Variants in GCC2 observed in about 807,000 individuals in gnomAD.
GCC2 encodes GRIP and coiled-coil domain-containing protein 2.
A neutral mutation model predicts 210.6 loss-of-function variants in GCC2; 120 were observed. The ratio of observed to expected loss-of-function variants is 0.57; its 90% CI spans 0.49 to 0.66. The LOEUF (loss-of-function observed/expected upper bound fraction) is 0.66. Ranked by LOEUF, GCC2 falls within the 30% of genes least tolerant of loss-of-function variation. The pLI, the probability that GCC2 is intolerant of heterozygous loss-of-function variation, is 0.00. For missense variants in GCC2, 1,868 were observed against 1,871.9 expected (o/e 1.00, Z 0.04); for synonymous variants, 703 against 652.7 (o/e 1.08, Z -1.17).
chr2:108,470,006 ATTC>A lies in GCC2; in HGVS notation c.679_681del (p.Ser227del). The A allele has an allele frequency of 6.2e-7, 1 of 1,613,036 alleles. No individual in the cohort carries two copies. Among genetic ancestry groups the A allele is most frequent in the East Asian group, 2.2e-5 (1 of 44,842 alleles). ...CAACTCCAAAATATCATTGAGGCTA[ATTC>A]TCAGCATTACCAAAAAAATATTAAT... On this transcript the variant is annotated inframe_deletion, in exon 6 of 23. Transcript: ENST00000309863.
At chr2:108,475,698 C>CAAAA (rs1681475970) in intron 8 of GCC2, 54 bp from the exon 9 acceptor site, 9 of 1,464,518 alleles carry the variant, frequency 6.1e-6, no homozygotes, top group Non-Finnish European at 8.5e-6. Context: ...AAGAGTTTTT[C>CAAAA]TATCCATTAA....
In GCC2 at chr2:108,473,144, T is replaced by A. The variant is rs774195520; in HGVS notation, c.2860+245T>A. 2.6e-5 allele frequency: 10 copies of A among 385,918 alleles called. 1 individual carries two copies. Among genetic ancestry groups the A allele is most frequent in the East Asian group, 5.1e-5 (1 of 19,626 alleles). The allele number at this position is 385,918 out of a possible 1,614,324, so 23.9% of individuals were successfully genotyped here. A position where few individuals can be genotyped will look rare whatever the true frequency, so the allele number is the denominator to read the frequency against. ...TTATAAATGGCTTCATGATTTATTT[T>A]GGATTTTTCATTCATTTAGCAAATT... On this transcript the variant is annotated intron_variant, in intron 7 of 22. Transcript: ENST00000309863.
At position 108,449,517 on chromosome 2, in the gene GCC2, C is replaced by T. The variant is rs552854129; in HGVS notation, c.7-116C>T. Reference sequence around the variant, plus strand: ...CCGTCCGCCCTCATTCTCTGTCTCACGAGGCTTTCCACCACTTGATTCCAT... The same window carrying T: ...CCGTCCGCCCTCATTCTCTGTCTCATGAGGCTTTCCACCACTTGATTCCAT... On this transcript the variant is annotated intron_variant, in intron 1 of 22. Coordinates refer to ENST00000309863, the MANE Select transcript of GCC2 (RefSeq NM_181453.4). 5.4e-5 allele frequency: 68 copies of T among 1,253,590 alleles called. No individual in the cohort carries two copies. In the Middle Eastern group the frequency reaches 1.1e-3, roughly 21 times the overall value. 77.7% of individuals were successfully genotyped at this position (1,253,590 alleles called of 1,614,324 possible).
At position 108,507,602 on chromosome 2, in the gene GCC2, A is replaced by G. The variant is rs1424940430; in HGVS notation, c.5027A>G (p.Tyr1676Cys). 1.9e-6 allele frequency: 3 copies of G among 1,602,638 alleles called. No individual in the cohort carries two copies. Among genetic ancestry groups the G allele is most frequent in the Non-Finnish European group, 2.6e-6 (3 of 1,171,990 alleles). ...NASRSSGWAS[Y>C]LHSWSGLR ...TCCCGTTCTTCTGGATGGGCATCCT[A>G]TCTTCATAGTTGGTCTGGACTTCGA... is the stretch of plus-strand genomic sequence containing the variant. The change falls in exon 23 of 23, where the codon TAT (tyrosine) becomes TGT (cysteine). Residue 1676 changes from tyrosine (Y) to cysteine (C), a missense_variant. Physicochemically the swap from Tyr to Cys is radical, Grantham distance 194 (BLOSUM62 -2). Around this residue, in one of 3 missense-constraint regions of GCC2, gnomAD observed 20 missense variants for 28.2 expected, o/e 0.71. Transcript: ENST00000309863.
chr2:108,467,193 G>A (rs940365706), intron 4 of GCC2, among the ~76,000 whole-genome samples: 5 of 152,150 alleles, frequency 3.3e-5, no homozygotes, highest in Non-Finnish European at 5.9e-5. Flanking sequence ...GGAATCTGTA[G>A]TTTTATAATT....
chr2:108,481,933 T>C (rs1197713721), intron 10 of GCC2, 117 bp downstream of exon 10: 5 of 673,282 alleles, frequency 7.4e-6, no homozygotes, highest in African/African-American at 3.7e-5. Context: ...CCCCCCCCAC[T>C]TTACCCTCCT....
At chr2:108,459,745 C>CTCTTTTTTTTTTTTTTTTTTTT (rs1680456564) in intron 4 of GCC2, among the ~76,000 whole-genome samples, 1 of 26,764 alleles carries the variant, frequency 3.7e-5, no homozygotes, top group Admixed American at 7.5e-4. Flanking sequence ...CCTTCTTTGT[C>CTCTTTTTTTTTTTTTTTTTTTT]TTTTTTTTTT....
chr2:108,507,668 C>A lies in GCC2; in HGVS notation c.*38C>A. On this transcript the variant is annotated 3_prime_UTR_variant, in exon 23 of 23. Transcript: ENST00000309863. ...AATATTTTTATTAACCAAATAGAAT[C>A]TATTTACAAAAATGGTTCACGTATA... 7.2e-7 allele frequency: 1 copy of A among 1,390,710 alleles called. No individual in the cohort carries two copies. Among genetic ancestry groups the A allele is most frequent in the Non-Finnish European group, 1.0e-6 (1 of 995,510 alleles). The allele number at this position is 1,390,710 out of a possible 1,614,324, so 86.1% of individuals were successfully genotyped here. A position where few individuals can be genotyped will look rare whatever the true frequency, so the allele number is the denominator to read the frequency against.
intron 19 of GCC2, chr2:108,494,818 T>A (rs1404433941): frequency 6.5e-6 from 1 of 152,766 alleles, no homozygotes; most frequent in Non-Finnish European, 1.5e-5. Context: ...TTTTTGTTTG[T>A]TTGTTTTGTT....
chr2:108,459,630 G>C (rs1680446750), intron 4 of GCC2, among the ~76,000 whole-genome samples: 1 of 151,246 alleles, frequency 6.6e-6, no homozygotes, highest in Non-Finnish European at 1.5e-5. Flanking sequence ...TCTAGATCTA[G>C]TAATAACTTG....
At chr2:108,494,072 C>T (rs1248871562) in intron 19 of GCC2, 1 of 538,872 alleles carries the variant, frequency 1.9e-6, no homozygotes, top group Non-Finnish European at 2.4e-6. Context: ...GTCAAAGGGC[C>T]TGGTAAACTT....
intron 4 of GCC2, among the ~76,000 whole-genome samples, chr2:108,464,047 C>G (rs1680739725): frequency 6.6e-6 from 1 of 151,898 alleles, no homozygotes; most frequent in South Asian, 2.1e-4. Flanking sequence ...GGCTGTGTGC[C>G]CTTAGGTTCC....
intron 4 of GCC2, among the ~76,000 whole-genome samples, chr2:108,468,086 T>A (rs1680996475): frequency 1.3e-5 from 2 of 150,930 alleles, no homozygotes; most frequent in Non-Finnish European, 2.9e-5. Flanking sequence ...TTTTGACACA[T>A]AGTCTTGCTC....
intron 2 of GCC2, 134 bp downstream of exon 2, chr2:108,449,823 G>C: frequency 1.5e-6 from 1 of 666,750 alleles, no homozygotes; most frequent in Non-Finnish European, 2.6e-6. Context: ...CTCAATTTTA[G>C]TGTGCGCAAT....
intron 13 of GCC2, among the ~76,000 whole-genome samples, chr2:108,484,911 G>C (rs574331588): frequency 4.0e-5 from 6 of 150,954 alleles, no homozygotes; most frequent in African/African-American, 1.2e-4. Flanking sequence ...GCAAAGACTT[G>C]GAACCAACCC....
chr2:108,486,566 C>T lies in GCC2; in HGVS notation c.3848C>T (p.Thr1283Ile), dbSNP rs954168656. 3 of 1,614,108 alleles carry T rather than the reference C, an allele frequency of 1.9e-6. No homozygotes were observed. The highest frequency in any genetic ancestry group is 2.2e-5 in the East Asian group (1 of 44,876). Residue 1283 changes from threonine to isoleucine, a missense_variant, in exon 16 of 23, where the codon ACC (threonine) becomes ATC (isoleucine). Transcript: ENST00000309863. ...EKHKIHEHLK[T>I]SAEQHQRTLS... ...CACAAAATCCACGAGCACCTGAAAA[C>T]CTCTGCGGAACAGCACCAGCGTACG...
At chr2:108,498,716 T>C (rs905846807) in intron 21 of GCC2, among the ~76,000 whole-genome samples, 9 of 152,200 alleles carry the variant, frequency 5.9e-5, no homozygotes, top group African/African-American at 2.2e-4. Flanking sequence ...TGCCTCATTT[T>C]TCTGATAGTG....
Position 108,470,148 on chromosome 2 carries a change from G to T in GCC2, c.819G>T (p.Leu273Phe). 1 of 1,613,656 alleles carries T rather than the reference G, an allele frequency of 6.2e-7. No individual in the cohort carries two copies. The highest frequency in any genetic ancestry group is 8.5e-7 in the Non-Finnish European group (1 of 1,179,846). ...AACATGAAGCAGAGATAAATAAGTT[G>T]AACGAGCTAAAAGAGAACTTAGTAA... is the stretch of plus-strand genomic sequence containing the variant. ...AKEHEAEINK[L>F]NELKENLVKQ... Residue 273 changes from leucine (L) to phenylalanine (F), a missense_variant, in exon 6 of 23, where the codon TTG becomes TTT. By Grantham distance (22) the Leu-to-Phe change is conservative. Coordinates refer to ENST00000309863, the MANE Select transcript of GCC2 (RefSeq NM_181453.4).
chr2:108,486,530 C>T lies in GCC2; in HGVS notation c.3812C>T (p.Thr1271Ile), dbSNP rs1332631187. 1.2e-6 allele frequency: 2 copies of T among 1,614,106 alleles called. No individual in the cohort carries two copies. Among genetic ancestry groups the T allele is most frequent in the Non-Finnish European group, 1.7e-6 (2 of 1,179,986 alleles). Reference protein sequence around the residue: ...EVYKIQLAEITSEKHKIHEHL... With the variant: ...EVYKIQLAEIISEKHKIHEHL... Reference sequence around the variant, plus strand: ...CCCCAGATACAGCTGGCTGAAATAACATCAGAGAAGCACAAAATCCACGAG... The same window carrying T: ...CCCCAGATACAGCTGGCTGAAATAATATCAGAGAAGCACAAAATCCACGAG... The change falls in exon 16 of 23, where the codon ACA (threonine) becomes ATA (isoleucine). Residue 1271 changes from threonine (T) to isoleucine (I), a missense_variant. Around this residue, in one of 3 missense-constraint regions of GCC2, gnomAD observed 1,847 missense variants for 1,765.2 expected, o/e 1.05. Transcript: ENST00000309863.
Sources: gnomAD v4.1 joint callset for allele counts (sites outside exome capture counted in the v4.1 genomes callset) on GRCh38, gnomAD v4.1.1 for gene constraint, gnomAD v4.1.1 regional missense constraint, MANE v1.5 for transcripts, NCBI Gene and HGNC (gene_info 2026-07-23, HGNC 2026-07-21) for gene names.